HEATR5B: variants seen among roughly 807,000 people sequenced by gnomAD.
The protein encoded by HEATR5B is HEAT repeat-containing protein 5B.
HEATR5B carries 156 observed loss-of-function variants against 224.1 expected under a neutral mutation model. The observed-to-expected ratio is 0.70, with a 90% CI of 0.61 to 0.80. HEATR5B has a LOEUF of 0.80. Among genes scored for constraint, HEATR5B ranks in the 30% least tolerant of loss-of-function variants. HEATR5B has a pLI of 0.00. For synonymous variants in HEATR5B, 1,027 were observed against 893.0 expected, an observed-to-expected ratio of 1.15 and a Z score of -2.68; for missense variants, 2,323 against 2,535.5, an observed-to-expected ratio of 0.92 and a Z score of 1.80.
intron 16 of HEATR5B, among the ~76,000 whole-genome samples, chr2:37,054,507 T>G (rs1386743445): frequency 0.016 from 1,137 of 72,620 alleles, no homozygotes; most frequent in Middle Eastern, 0.1. Flanking sequence ...TTTTTGAGAC[T>G]GAGTTTCGCT....
chr2:36,988,212 G>C (rs1386614676), intron 35 of HEATR5B, among the ~76,000 whole-genome samples: 5 of 150,392 alleles, frequency 3.3e-5, no homozygotes, highest in African/African-American at 9.7e-5. Context: ...AACAAACAAA[G>C]AAAAAAATCA....
At chr2:37,021,861 T>C (rs1668479022) in intron 24 of HEATR5B, among the ~76,000 whole-genome samples, 1 of 144,866 alleles carries the variant, frequency 6.9e-6, no homozygotes, top group Non-Finnish European at 1.5e-5. Context: ...CACTCCAGCC[T>C]GGGTGACAAA....
At chr2:37,056,334 T>C (rs1037642952) in intron 16 of HEATR5B, 106 bp downstream of exon 16, 19 of 729,690 alleles carry the variant, frequency 2.6e-5, no homozygotes, top group East Asian at 8.7e-5. Context: ...GTTTTAAGTA[T>C]TATAATAACT....
In HEATR5B at chr2:37,084,309, A is replaced by G. The variant is rs1296652452; in HGVS notation, c.-63T>C. The G allele has an allele frequency of 2.5e-6, 1 of 398,478 alleles. No homozygotes were observed. The highest frequency in any genetic ancestry group is 4.4e-6 in the Non-Finnish European group (1 of 227,096). The allele number at this position is 398,478 out of a possible 1,614,324, so 24.7% of individuals were successfully genotyped here. A position where few individuals can be genotyped will look rare whatever the true frequency, so the allele number is the denominator to read the frequency against. On this transcript the variant is annotated 5_prime_UTR_variant, in exon 1 of 36. Coordinates refer to ENST00000233099, the MANE Select transcript of HEATR5B (RefSeq NM_019024.3). ...GGAAGATCAGCTGAGCTCCGGGGGT[A>G]GAAGCAGCCACCAAGAGACCCGGAT...
In HEATR5B at chr2:37,028,739, T is replaced by A; in HGVS notation, c.3543A>T (p.Ala1181=). The change falls in exon 23 of 36, where the codon GCA becomes GCT. Residue 1181 remains alanine, a synonymous_variant. Coordinates refer to ENST00000233099, the MANE Select transcript of HEATR5B (RefSeq NM_019024.3). ...TTAGCCAATGAGAAAGTTTTTCTACTGCCAGCGAAGAAAGCATATGTCCCA... is the reference window on the plus strand; with the variant it reads ...TTAGCCAATGAGAAAGTTTTTCTACAGCCAGCGAAGAAAGCATATGTCCCA... ...DTLGHMLSSL[A]VEKLSHWLML... 1 of 1,613,910 alleles carries A rather than the reference T, an allele frequency of 6.2e-7. No individual in the cohort carries two copies. Among genetic ancestry groups the A allele is most frequent in the South Asian group, 1.1e-5 (1 of 91,076 alleles).
At chr2:36,997,658 C>T (rs1156995475) in intron 33 of HEATR5B, among the ~76,000 whole-genome samples, 1 of 149,764 alleles carries the variant, frequency 6.7e-6, no homozygotes, top group Non-Finnish European at 1.5e-5. Context: ...CCTCTGCCAC[C>T]CAGGTTCATG....
chr2:37,019,937 TCTATCACC>T, intron 25 of HEATR5B, 60 bp from the exon 26 acceptor site: 1 of 1,239,180 alleles, frequency 8.1e-7, no homozygotes. Flanking sequence ...ACGGTCTTAC[TCTATCACC>T]CAGGCTGGAG....
Position 37,083,383 on chromosome 2 carries a change from T to C in HEATR5B, c.32A>G (p.Glu11Gly). 1 of 1,613,778 alleles carries C rather than the reference T, an allele frequency of 6.2e-7. No homozygotes were observed. Among genetic ancestry groups the C allele is most frequent in the Non-Finnish European group, 8.5e-7 (1 of 1,179,664 alleles). ...TTCGGTGATTTGAGCCAAAGCTTCT[T>C]CATTTAGCAATAAACTGTGGGCTAA... MELAHSLLLN[E>G]EALAQITEAK... is the part of the protein sequence containing the mutation. The change falls in exon 2 of 36, where the codon GAA (glutamate) becomes GGA (glycine). Residue 11 changes from glutamate (E) to glycine (G), a missense_variant. By Grantham distance (98) the Glu-to-Gly change is moderately conservative. This residue lies in a region of HEATR5B where 292 missense variants were observed against 332.6 expected (regional missense o/e 0.88). Coordinates refer to ENST00000233099, the MANE Select transcript of HEATR5B (RefSeq NM_019024.3).
At position 37,079,251 on chromosome 2, in the gene HEATR5B, T is replaced by C. The variant is rs1672409636; in HGVS notation, c.207A>G (p.Arg69=). ...LISSSPGPPT[R]KLLAKNLAAL... is the part of the protein sequence containing the mutation. ...CTGCGAGATTTTTAGCTAATAATTT[T>C]CGTGTAGGTGGTCCAGGTGAACTAC... is the stretch of plus-strand genomic sequence containing the variant. Residue 69 remains arginine (R), a synonymous_variant, in exon 3 of 36, where the codon CGA becomes CGG. Coordinates refer to ENST00000233099, the MANE Select transcript of HEATR5B (RefSeq NM_019024.3). 6.2e-7 allele frequency: 1 copy of C among 1,612,604 alleles called. No homozygotes were observed. The highest frequency in any genetic ancestry group is 8.5e-7 in the Non-Finnish European group (1 of 1,178,798).
At chr2:37,029,492 C>T (rs1449427464) in intron 22 of HEATR5B, among the ~76,000 whole-genome samples, 2 of 151,200 alleles carry the variant, frequency 1.3e-5, no homozygotes, top group Non-Finnish European at 3.0e-5. Flanking sequence ...GGCGAAACCC[C>T]GTCTCTACTA....
intron 35 of HEATR5B, among the ~76,000 whole-genome samples, chr2:36,982,463 G>A (rs1314492791): frequency 6.6e-6 from 1 of 152,066 alleles, no homozygotes; most frequent in Non-Finnish European, 1.5e-5. Flanking sequence ...TTCATTAAAG[G>A]TGATTTTTTT....
chr2:36,983,785 G>C (rs954670965), intron 35 of HEATR5B, among the ~76,000 whole-genome samples: 1 of 151,770 alleles, frequency 6.6e-6, no homozygotes, highest in Admixed American at 6.6e-5. Flanking sequence ...ATAAAGTAGA[G>C]AATTATAAAA....
rs1288669091 is a variant in HEATR5B at position 37,056,498 on chromosome 2, T to G, written c.2341A>C (p.Ile781Leu). ...PGPLPLGVSV[I>L]DASVALFGVV... Reference sequence around the variant, plus strand: ...CCAAAAAGGGCCACAGAAGCATCAATGACTGAGACTCCGAGAGGGAGGGGA... The same window carrying G: ...CCAAAAAGGGCCACAGAAGCATCAAGGACTGAGACTCCGAGAGGGAGGGGA... The change falls in exon 16 of 36, where the codon ATT (isoleucine) becomes CTT (leucine). Residue 781 changes from isoleucine to leucine, a missense_variant. Physicochemically the swap from Ile to Leu is conservative, Grantham distance 5. Around this residue, in one of 12 missense-constraint regions of HEATR5B, gnomAD observed 170 missense variants for 216.7 expected, o/e 0.78. Coordinates refer to ENST00000233099, the MANE Select transcript of HEATR5B (RefSeq NM_019024.3). 6.2e-7 allele frequency: 1 copy of G among 1,613,252 alleles called. No individual in the cohort carries two copies. Among genetic ancestry groups the G allele is most frequent in the African/African-American group, 1.3e-5 (1 of 74,988 alleles).
intron 21 of HEATR5B, 47 bp from the exon 22 acceptor site, chr2:37,032,820 AT>A (rs1669217426): frequency 6.5e-7 from 1 of 1,538,660 alleles, no homozygotes; most frequent in Non-Finnish European, 8.9e-7. Flanking sequence ...AAAAGCTGTA[AT>A]TCTTTAATCT....
intron 22 of HEATR5B, 117 bp downstream of exon 22, chr2:37,032,508 ATTTC>A: frequency 1.2e-6 from 1 of 851,758 alleles, no homozygotes. Flanking sequence ...TAATGGTTTT[ATTTC>A]AAAGAATAAG....
At chr2:36,981,877 C>CA in intron 35 of HEATR5B, 83 bp from the exon 36 acceptor site, 1 of 987,384 alleles carries the variant, frequency 1.0e-6, no homozygotes, top group African/African-American at 1.6e-5. Context: ...CCATGGAAGA[C>CA]TGAACATAAT....
intron 34 of HEATR5B, among the ~76,000 whole-genome samples, 171 bp from the exon 35 acceptor site, chr2:36,989,030 G>C (rs925114294): frequency 6.6e-6 from 1 of 152,204 alleles, no homozygotes; most frequent in Non-Finnish European, 1.5e-5. Flanking sequence ...ACAAAAATTA[G>C]TCAAAAATGT....
Position 37,014,795 on chromosome 2 carries a change from G to A in HEATR5B, c.4105-775C>T, listed in dbSNP as rs536958153. Among the ~76,000 whole-genome samples the A allele has an allele frequency of 2.0e-5, 3 of 151,734 alleles. No homozygotes were observed. In the South Asian group the frequency reaches 6.2e-4, roughly 32 times the overall value. On this transcript the variant is annotated intron_variant, in intron 26 of 35. Transcript: ENST00000233099. ...AGATTGAGACCATCCTGACCAACAT[G>A]GTGAAACCCCATCTCTACTAAAAAT... is the stretch of plus-strand genomic sequence containing the variant.
chr2:36,995,087 G>GTTTTTTTTTTTTTTTTTTTTTTTTTTTTT (rs775120824), intron 33 of HEATR5B, among the ~76,000 whole-genome samples: 1 of 104,132 alleles, frequency 9.6e-6, no homozygotes, highest in Non-Finnish European at 1.9e-5. Context: ...GTTATTCCTT[G>GTTTTTTTTTTTTTTTTTTTTTTTTTTTTT]TTTTTTTTTT....
Sources: allele counts gnomAD v4.1 joint callset (sites outside exome capture counted in the v4.1 genomes callset), GRCh38; gene constraint gnomAD v4.1.1; regional missense constraint gnomAD v4.1.1; transcripts MANE v1.5; gene names NCBI Gene and HGNC (gene_info 2026-07-23, HGNC 2026-07-21).